CEP192: variants seen among roughly 807,000 people sequenced by gnomAD.
CEP192 encodes the protein centrosomal protein of 192 kDa.
In CEP192, 151 loss-of-function variants were observed where a neutral mutation model predicts 271.8. That is an observed-to-expected ratio of 0.56 (90% CI 0.49 to 0.64). The LOEUF is 0.64. Ranked by LOEUF, CEP192 falls within the 30% of genes least tolerant of loss-of-function variation. The pLI, the probability that CEP192 is intolerant of heterozygous loss-of-function variation, is 0.00. For synonymous variants in CEP192, 995 were observed against 1,076.5 expected (o/e 0.92, Z 1.48); for missense variants, 2,910 against 3,020.5 (o/e 0.96, Z 0.86).
chr18:13,068,330 T>A (rs1176003810), intron 23 of CEP192, 29 bp from the exon 24 acceptor site: 1 of 1,606,466 alleles, frequency 6.2e-7, no homozygotes, highest in South Asian at 1.1e-5. Flanking sequence ...CAGTTTACAT[T>A]AAGACAAATT....
At position 13,029,933 on chromosome 18, in the gene CEP192, G is replaced by T. The variant is rs2035520355; in HGVS notation, c.1321G>T (p.Ala441Ser). The T allele has an allele frequency of 1.3e-6, 2 of 1,551,690 alleles. No individual in the cohort carries two copies. Among genetic ancestry groups the T allele is most frequent in the East Asian group, 4.9e-5 (2 of 40,920 alleles). The change falls in exon 10 of 45, where the codon GCC (alanine) becomes TCC (serine). Residue 441 changes from alanine (A) to serine (S), a missense_variant. Physicochemically the swap from Ala to Ser is moderately conservative, Grantham distance 99. Transcript: ENST00000506447. ...TGACAGTGGAATTAATTTCACTGAT[G>T]CCATTTGGTCACCAACTTGTGAAAG... ...ISDSGINFTD[A>S]IWSPTCERRT...
At chr18:13,086,375 T>G (rs2038896606) in intron 30 of CEP192, among the ~76,000 whole-genome samples, 1 of 152,218 alleles carries the variant, frequency 6.6e-6, no homozygotes, top group Non-Finnish European at 1.5e-5. Flanking sequence ...GCTTTATTTC[T>G]TTGTCTTGCC....
chr18:13,038,410 G>T lies in CEP192; in HGVS notation c.1640G>T (p.Gly547Val). The change falls in exon 13 of 45, where the codon GGC becomes GTC. Residue 547 changes from glycine (G) to valine (V), a missense_variant. By Grantham distance (109) the Gly-to-Val change is moderately radical (BLOSUM62 -3). Transcript: ENST00000506447. ...GCTCATAATACTTCGGTTGCACTGG[G>T]CGATACGTCCTGGGGAGCTACAATT... ...IDAHNTSVAL[G>V]DTSWGATINY... is the part of the protein sequence containing the mutation. The T allele has an allele frequency of 6.4e-7, 1 of 1,551,624 alleles. No homozygotes were observed. The highest frequency in any genetic ancestry group is 8.7e-7 in the Non-Finnish European group (1 of 1,146,954).
At chr18:13,101,955 G>C (rs1198175589) in intron 38 of CEP192, among the ~76,000 whole-genome samples, 1 of 151,988 alleles carries the variant, frequency 6.6e-6, no homozygotes, top group Admixed American at 6.5e-5. Context: ...CTCCCTCTCT[G>C]TTCCTGCCTG....
chr18:13,061,314 C>T (rs1199653712), intron 21 of CEP192, among the ~76,000 whole-genome samples: 1 of 152,138 alleles, frequency 6.6e-6, no homozygotes, highest in Non-Finnish European at 1.5e-5. Flanking sequence ...CAGAGCAAGT[C>T]TCTGCCTGAA....
At chr18:13,123,991 C>T (rs2040791420) in intron 44 of CEP192, among the ~76,000 whole-genome samples, 2 of 152,124 alleles carry the variant, frequency 1.3e-5, no homozygotes, top group African/African-American at 2.4e-5. Flanking sequence ...GAAACCCCGC[C>T]TCTACTAAAA....
At chr18:13,083,860 T>C (rs552462920) in intron 30 of CEP192, among the ~76,000 whole-genome samples, 1 of 152,276 alleles carries the variant, frequency 6.6e-6, no homozygotes, top group Non-Finnish European at 1.5e-5. Context: ...TAGTTTTCCT[T>C]CTAAGAGTCA....
At chr18:13,025,195 GTTTTA>G (rs2035223441) in intron 9 of CEP192, among the ~76,000 whole-genome samples, 1 of 151,744 alleles carries the variant, frequency 6.6e-6, no homozygotes, top group African/African-American at 2.4e-5. Flanking sequence ...TCTCTTTGTG[GTTTTA>G]TTTTAAGAAT....
rs1313138692 is a variant in CEP192, at chr18:13,029,982, C to G, written c.1370C>G (p.Ser457Cys). 1.3e-6 allele frequency: 2 copies of G among 1,549,086 alleles called. No homozygotes were observed. The highest frequency in any genetic ancestry group is 1.7e-6 in the Non-Finnish European group (2 of 1,145,116). The stretch of plus-strand genomic sequence containing the variant: ...AGGCGAACATGTGAATGTCACGAGT[C>G]CATCGAAAAGAATAAAGACAGTAAG... ...CERRTCECHE[S>C]IEKNKDKTDL... The change falls in exon 10 of 45, where the codon TCC becomes TGC. Residue 457 changes from serine (S) to cysteine (C), a missense_variant. Transcript: ENST00000506447.
At chr18:13,032,446 G>A (rs983006124) in intron 11 of CEP192, among the ~76,000 whole-genome samples, 2 of 152,136 alleles carry the variant, frequency 1.3e-5, no homozygotes, top group Admixed American at 6.5e-5. Flanking sequence ...GTTAGGACTT[G>A]CTCAATGATA....
chr18:13,034,423 G>A (rs78889571), intron 11 of CEP192, among the ~76,000 whole-genome samples: 3,784 of 151,958 alleles, frequency 0.025, 57 homozygotes, highest in Middle Eastern at 0.048. Flanking sequence ...GAAAAGGAAG[G>A]TTGGAAAAAA....
At chr18:13,050,489 T>C (rs1296703094) in intron 17 of CEP192, among the ~76,000 whole-genome samples, 1 of 152,186 alleles carries the variant, frequency 6.6e-6, no homozygotes, top group African/African-American at 2.4e-5. Context: ...GAGAGCTTAG[T>C]TCCTTCTATG....
intron 40 of CEP192, among the ~76,000 whole-genome samples, chr18:13,109,231 A>G (rs1360530543): frequency 6.6e-6 from 1 of 152,242 alleles, no homozygotes; most frequent in Non-Finnish European, 1.5e-5. Context: ...GAATCAAATC[A>G]TGACCTTTGT....
chr18:13,092,819 A>G (rs1378810502), intron 34 of CEP192, among the ~76,000 whole-genome samples: 2 of 152,052 alleles, frequency 1.3e-5, no homozygotes, highest in Non-Finnish European at 2.9e-5. Flanking sequence ...CGTAAGAGTA[A>G]GTTTCAGGCA....
At chr18:13,037,845 G>A (rs2035995902) in intron 12 of CEP192, among the ~76,000 whole-genome samples, 1 of 151,838 alleles carries the variant, frequency 6.6e-6, no homozygotes, top group South Asian at 2.1e-4. Flanking sequence ...GTGAGCCAGT[G>A]TACTGGGCTG....
chr18:13,066,205 C>T (rs2037690231), intron 21 of CEP192, among the ~76,000 whole-genome samples: 1 of 152,242 alleles, frequency 6.6e-6, no homozygotes, highest in Non-Finnish European at 1.5e-5. Context: ...ACAGTTTTTA[C>T]AGTCCCAACA....
intron 15 of CEP192, among the ~76,000 whole-genome samples, 182 bp from the exon 16 acceptor site, chr18:13,048,677 G>A (rs1376616119): frequency 1.3e-4 from 20 of 152,210 alleles, no homozygotes; most frequent in Admixed American, 8.5e-4. Context: ...CACTACATTT[G>A]TGGGTGGGGA....
intron 9 of CEP192, chr18:13,024,461 T>G (rs2035176227): frequency 2.9e-6 from 1 of 344,224 alleles, no homozygotes; most frequent in Non-Finnish European, 5.7e-6. Flanking sequence ...GTTTGTTTGT[T>G]TATTTATTTA....
At chr18:13,018,449 G>T (rs1191433590) in intron 7 of CEP192, 31 bp from the exon 8 acceptor site, 10 of 1,387,404 alleles carry the variant, frequency 7.2e-6, no homozygotes, top group Middle Eastern at 1.8e-4. Context: ...TAATTTAAAA[G>T]ATTAATACAG....
Sources: gnomAD v4.1 joint callset for allele counts (sites outside exome capture counted in the v4.1 genomes callset) on GRCh38, gnomAD v4.1.1 for gene constraint, MANE v1.5 for transcripts, NCBI Gene and HGNC (gene_info 2026-07-23, HGNC 2026-07-21) for gene names.